The following TMEM233 variants were observed in gnomAD, a reference collection of about 807,000 sequenced individuals.
TMEM233 encodes transmembrane protein 233.
In TMEM233, 6 loss-of-function variants were observed where a neutral mutation model predicts 11.2. The ratio of observed to expected loss-of-function variants is 0.54; its 90% confidence interval spans 0.29 to 1.06. The LOEUF is 1.06. Among genes scored for constraint, TMEM233 ranks in the 50% least tolerant of loss-of-function variants. The pLI is 0.08. For synonymous variants in TMEM233, 59 were observed against 55.8 expected (o/e 1.06, Z -0.26); for missense variants, 127 against 144.7 (o/e 0.88, Z 0.63).
chr12:119,643,287 T>A (rs1955110442), downstream of TMEM233, among the ~76,000 whole-genome samples: 1 of 152,094 alleles, frequency 6.6e-6, no homozygotes, highest in African/African-American at 2.4e-5. Context: ...AGTAAAAAAA[T>A]AAAATAAGAA....
chr12:119,652,113 G>A, the TMEM233 span, among the ~76,000 whole-genome samples: 43,874 of 151,814 alleles, frequency 0.29, 7,700 homozygotes, highest in East Asian at 0.39. Flanking sequence ...CTTTTGGAGA[G>A]AAATTTGGCA....
the TMEM233 span, among the ~76,000 whole-genome samples, chr12:119,648,772 G>T: frequency 6.6e-6 from 1 of 152,006 alleles, no homozygotes; most frequent in Middle Eastern, 3.4e-3. Context: ...ATTAATTAAT[G>T]AGGTAGAGAG....
downstream of TMEM233, among the ~76,000 whole-genome samples, chr12:119,647,221 G>A (rs1255311814): frequency 6.6e-6 from 1 of 152,068 alleles, no homozygotes; most frequent in African/African-American, 2.4e-5. Context: ...TTTTTTGTGT[G>A]TCCTTAAAAA....
chr12:119,619,655 A>T (rs1290106663), intron 1 of TMEM233, among the ~76,000 whole-genome samples: 1 of 152,204 alleles, frequency 6.6e-6, no homozygotes, highest in East Asian at 1.9e-4. Context: ...AAAAAAAAAA[A>T]ACACACTGAC....
Position 119,602,461 on chromosome 12 carries a change from T to C in TMEM233, c.186+8427T>C, listed in dbSNP as rs1593277734. On this transcript the variant is annotated intron_variant, in intron 1 of 2. Transcript: ENST00000426426. ...TTACAGACCCCTGTGAATTATTTCT[T>C]TTGAATTTCTTGCTTGAAGCTCTGA... 5.9e-5 allele frequency among the ~76,000 whole-genome samples: 9 copies of C among 152,352 alleles called. No individual in the cohort carries two copies. The South Asian group carries it at 1.9e-3, about 32-fold the overall frequency.
chr12:119,612,926 TA>T (rs926305080), intron 1 of TMEM233, among the ~76,000 whole-genome samples: 4 of 151,614 alleles, frequency 2.6e-5, no homozygotes, highest in East Asian at 3.9e-4. Context: ...AAAATAAAAA[TA>T]AAAAAAAGAG....
intron 2 of TMEM233, among the ~76,000 whole-genome samples, chr12:119,630,152 A>T (rs1756882282): frequency 6.6e-6 from 1 of 152,242 alleles, no homozygotes; most frequent in African/African-American, 2.4e-5. Context: ...CATAGTCCCA[A>T]CTACTCAACT....
rs1954011816 is a variant in TMEM233, at chr12:119,595,116, C to T, written c.186+1082C>T. ...CCCTCTTCAACCCTGGTAGGAACAC[C>T]CGAGCGAACCCCACCAGGAGGGCGA... On this transcript the variant is annotated intron_variant, in intron 1 of 2. Coordinates refer to ENST00000426426, the MANE Select transcript of TMEM233 (RefSeq NM_001136534.3). This position sits in a 1 kb window ranked among gnomAD's most constrained non-coding sequence, Gnocchi z 4.3. Among the ~76,000 whole-genome samples, 1 of 152,204 alleles carries T rather than the reference C, an allele frequency of 6.6e-6. No homozygotes were observed. Among genetic ancestry groups the T allele is most frequent in the Non-Finnish European group, 1.5e-5 (1 of 68,040 alleles).
chr12:119,630,388 A>G (rs548485253), intron 2 of TMEM233, among the ~76,000 whole-genome samples: 2 of 152,344 alleles, frequency 1.3e-5, no homozygotes, highest in South Asian at 2.1e-4. Flanking sequence ...TAGCTGCTCT[A>G]TCTAGGACAG....
chr12:119,623,564 A>G (rs1954689196), intron 1 of TMEM233, among the ~76,000 whole-genome samples: 1 of 151,690 alleles, frequency 6.6e-6, no homozygotes, highest in Non-Finnish European at 1.5e-5. Context: ...AAAAAAAAAA[A>G]AAAAAATTAG....
At chr12:119,604,927 C>T (rs1954237448) in intron 1 of TMEM233, among the ~76,000 whole-genome samples, 1 of 152,040 alleles carries the variant, frequency 6.6e-6, no homozygotes, top group Non-Finnish European at 1.5e-5. Flanking sequence ...GACACCATGC[C>T]TGGCTAAGTT....
rs1160187095 is a variant in TMEM233 at position 119,642,507 on chromosome 12, G to A, written c.*1802G>A. The A allele has an allele frequency of 6.6e-6, 1 of 152,102 alleles. No homozygotes were observed. The highest frequency in any genetic ancestry group is 1.9e-4 in the East Asian group (1 of 5,190). 9.4% of individuals were successfully genotyped at this position (152,102 alleles called of 1,614,324 possible). On this transcript the variant is annotated 3_prime_UTR_variant, in exon 3 of 3. Coordinates refer to ENST00000426426, the MANE Select transcript of TMEM233 (RefSeq NM_001136534.3). ...AAAAGAAAGGCAGATTATTCTAATT[G>A]AATGAATAAGAGGCTGAGAGTCAAT...
chr12:119,629,662 G>A lies in TMEM233; in HGVS notation c.187-74G>A, dbSNP rs1335726983. 1.2e-5 allele frequency: 18 copies of A among 1,446,132 alleles called. No individual in the cohort carries two copies. The South Asian group carries it at 2.4e-4, about 20-fold the overall frequency. The allele number at this position is 1,446,132 out of a possible 1,614,324, so 89.6% of individuals were successfully genotyped here. On this transcript the variant is annotated intron_variant, in intron 1 of 2. Coordinates refer to ENST00000426426, the MANE Select transcript of TMEM233 (RefSeq NM_001136534.3). ...GAGAGCTCTTGGAACCTTTTCATCA[G>A]GACAGCCTGAGGACCTCCATCCCTT... is the stretch of plus-strand genomic sequence containing the variant.
At chr12:119,634,609 T>C (rs560814678) in intron 2 of TMEM233, among the ~76,000 whole-genome samples, 14 of 151,806 alleles carry the variant, frequency 9.2e-5, no homozygotes, top group South Asian at 8.3e-4. Flanking sequence ...TGAGACCCTG[T>C]CTCAAAAAAA....
chr12:119,627,426 G>A (rs1251819101), intron 1 of TMEM233, among the ~76,000 whole-genome samples: 1 of 152,234 alleles, frequency 6.6e-6, no homozygotes, highest in Non-Finnish European at 1.5e-5. Context: ...GCATGGTTCT[G>A]CAGGCTAAAC....
In TMEM233 at chr12:119,641,004, A is replaced by G. The variant is rs1955075344; in HGVS notation, c.*299A>G. The G allele has an allele frequency of 5.5e-6, 2 of 364,574 alleles. No homozygotes were observed. Among genetic ancestry groups the G allele is most frequent in the South Asian group, 5.6e-5 (1 of 17,874 alleles). The allele number at this position is 364,574 out of a possible 1,614,324, so 22.6% of individuals were successfully genotyped here. ...CAGTTTAGCGAATCCCGTTGTGTCC[A>G]CTCCTGTCCTCCAGAGGCGAGCCTC... On this transcript the variant is annotated 3_prime_UTR_variant, in exon 3 of 3. Transcript: ENST00000426426.
Position 119,593,944 on chromosome 12 carries a change from C to T in TMEM233, c.96C>T (p.Pro32=), listed in dbSNP as rs1300034262. The stretch of plus-strand genomic sequence containing the variant: ...ATGACAAGACCGAGGAGGACGTGCC[C>T]ATGCCCAAGAACTACCTGTGGCTCA... The part of the protein sequence containing the change: ...TEDDKTEEDV[P]MPKNYLWLTI... Residue 32 remains proline (P), a synonymous_variant, in exon 1 of 3, where the codon CCC becomes CCT. Transcript: ENST00000426426. This position sits in a 1 kb window ranked among gnomAD's most constrained non-coding sequence, Gnocchi z 4.1. 1.3e-6 allele frequency: 2 copies of T among 1,551,752 alleles called. No homozygotes were observed. Among genetic ancestry groups the T allele is most frequent in the Non-Finnish European group, 1.7e-6 (2 of 1,146,978 alleles).
chr12:119,625,677 A>G (rs1272423555), intron 1 of TMEM233, among the ~76,000 whole-genome samples: 1 of 152,210 alleles, frequency 6.6e-6, no homozygotes, highest in Non-Finnish European at 1.5e-5. Flanking sequence ...AAGTGAGCAA[A>G]TAACACAATG....
chr12:119,605,242 T>C (rs929515304), intron 1 of TMEM233, among the ~76,000 whole-genome samples: 2 of 152,046 alleles, frequency 1.3e-5, no homozygotes, highest in Non-Finnish European at 2.9e-5. Context: ...ATTGACACAA[T>C]TTCACTTGTT....
Sources: allele counts gnomAD v4.1 joint callset (sites outside exome capture counted in the v4.1 genomes callset), GRCh38; gene constraint gnomAD v4.1.1; non-coding constraint Gnocchi (gnomAD v3.1); transcripts MANE v1.5; gene names NCBI Gene and HGNC (gene_info 2026-07-23, HGNC 2026-07-21).